Variants in OR51B5 observed in about 807,000 individuals in gnomAD.
OR51B5 encodes olfactory receptor family 51 subfamily B member 5.
For synonymous variants in OR51B5, 186 were observed against 144.8 expected, an observed-to-expected ratio of 1.28 and a Z score of -2.04; for missense variants, 456 against 374.6, an observed-to-expected ratio of 1.22 and a Z score of -1.79.
chr11:5,402,858 T>C (rs1006972131), intron 1 of OR51B5: 3 of 471,488 alleles, frequency 6.4e-6, no homozygotes, highest in African/African-American at 2.0e-5. Context: ...GTTAGGCATA[T>C]TCCTTTTTGG....
chr11:5,393,142 A>C (rs1849821806), intron 1 of OR51B5: 1 of 152,220 alleles, frequency 6.6e-6, no homozygotes, highest in East Asian at 1.9e-4. Flanking sequence ...TGTTTGTGGC[A>C]AAATTTTTTT....
chr11:5,395,529 C>A (rs903247446), intron 1 of OR51B5, among the ~76,000 whole-genome samples: 1 of 152,166 alleles, frequency 6.6e-6, no homozygotes, highest in Non-Finnish European at 1.5e-5. Flanking sequence ...GAAGACAGAT[C>A]TGGACTTGTT....
At chr11:5,359,083 C>G (rs1277536162) in intron 1 of OR51B5, among the ~76,000 whole-genome samples, 1 of 152,056 alleles carries the variant, frequency 6.6e-6, no homozygotes, top group Non-Finnish European at 1.5e-5. Context: ...AAAACTGGCA[C>G]AAGACAGGGA....
intron 1 of OR51B5, among the ~76,000 whole-genome samples, chr11:5,503,826 G>C (rs1457850709): frequency 6.6e-6 from 1 of 152,120 alleles, no homozygotes; most frequent in Non-Finnish European, 1.5e-5. Flanking sequence ...TACTTTTTGA[G>C]GGGTAAGGAT....
chr11:5,361,901 A>C (rs72874669), intron 1 of OR51B5, among the ~76,000 whole-genome samples: 7,186 of 152,184 alleles, frequency 0.047, 217 homozygotes, highest in Non-Finnish European at 0.068. Flanking sequence ...TATGTGTTCT[A>C]CCAAGTACTT....
chr11:5,400,959 C>T (rs964895740), intron 1 of OR51B5, among the ~76,000 whole-genome samples: 4 of 152,148 alleles, frequency 2.6e-5, no homozygotes, highest in East Asian at 1.9e-4. Context: ...CATGTTTGTT[C>T]GTGTGTGAAT....
intron 1 of OR51B5, chr11:5,390,009 T>C (rs1498469): frequency 0.8 from 1,291,738 of 1,612,952 alleles, 520,394 homozygotes; most frequent in Middle Eastern, 0.83. Context: ...TGCACAGATA[T>C]CACCTTCAAT....
chr11:5,482,617 G>T (rs1341315706), intron 1 of OR51B5, among the ~76,000 whole-genome samples: 1 of 117,852 alleles, frequency 8.5e-6, no homozygotes, highest in Non-Finnish European at 1.7e-5. Context: ...TCTGACAAAG[G>T]GCTAATATCC....
intron 1 of OR51B5, among the ~76,000 whole-genome samples, chr11:5,498,505 G>A (rs186368185): frequency 2.9e-4 from 44 of 152,134 alleles, no homozygotes; most frequent in Non-Finnish European, 5.4e-4. Flanking sequence ...CCTACAAATT[G>A]TCTTCTTCAA....
intron 1 of OR51B5, among the ~76,000 whole-genome samples, chr11:5,496,048 C>G (rs1303324484): frequency 1.1e-4 from 17 of 152,050 alleles, no homozygotes; most frequent in Admixed American, 1.1e-3. Flanking sequence ...TGTGATAAGT[C>G]TGGTTCCTGC....
At chr11:5,343,904 C>A (rs1848948433), upstream of OR51B5, among the ~76,000 whole-genome samples, 2 of 152,192 alleles carry the variant, frequency 1.3e-5, no homozygotes, top group Non-Finnish European at 2.9e-5. Context: ...AGAAAGCTAA[C>A]ACTAATTTTT....
At chr11:5,368,332 T>C (rs1409445947) in intron 1 of OR51B5, among the ~76,000 whole-genome samples, 2 of 152,228 alleles carry the variant, frequency 1.3e-5, no homozygotes, top group East Asian at 1.9e-4. Context: ...TTCTGTGTTT[T>C]GGTCCACTCA....
chr11:5,480,688 C>A (rs1306176299), intron 1 of OR51B5, among the ~76,000 whole-genome samples: 1 of 151,250 alleles, frequency 6.6e-6, no homozygotes, highest in African/African-American at 2.4e-5. Flanking sequence ...CACCACCGAT[C>A]CCACAGAAAT....
chr11:5,474,837 C>T (rs556558617), intron 1 of OR51B5, among the ~76,000 whole-genome samples: 1 of 152,260 alleles, frequency 6.6e-6, no homozygotes, highest in East Asian at 1.9e-4. Flanking sequence ...ATCAGGACAA[C>T]AGGCTAAACA....
At chr11:5,346,113 C>T (rs777212778), upstream of OR51B5, 6 of 152,096 alleles carry the variant, frequency 3.9e-5, no homozygotes, top group Admixed American at 6.6e-5. Context: ...GTGAAAAATT[C>T]CTTCTTATCA....
chr11:5,384,841 C>T (rs1849661654), intron 1 of OR51B5, among the ~76,000 whole-genome samples: 1 of 152,200 alleles, frequency 6.6e-6, no homozygotes, highest in Admixed American at 6.5e-5. Context: ...AAATCCTCCT[C>T]TATCCTACTA....
intron 1 of OR51B5, among the ~76,000 whole-genome samples, chr11:5,483,441 G>A (rs1354117277): frequency 6.9e-6 from 1 of 145,428 alleles, no homozygotes; most frequent in Non-Finnish European, 1.5e-5. Context: ...GCACCAGCAT[G>A]GCACATGTAT....
chr11:5,372,041 C>G lies in OR51B5; in HGVS notation n.85-25131G>C, dbSNP rs545405048. On this transcript the variant is annotated intron_variant and non_coding_transcript_variant, in intron 1 of 4. Coordinates refer to the OR51B5 transcript ENST00000415970. ...TTTATTTCACTTAGCAAAATGTACTCTAGGTTTATACATTCCCCCCATCTC... is the reference window on the plus strand; with the variant it reads ...TTTATTTCACTTAGCAAAATGTACTGTAGGTTTATACATTCCCCCCATCTC... Among the ~76,000 whole-genome samples the G allele has an allele frequency of 3.3e-5, 5 of 152,118 alleles. No homozygotes were observed. The South Asian group carries it at 6.2e-4, about 19-fold the overall frequency.
chr11:5,473,087 T>C (rs1851252830), intron 1 of OR51B5, among the ~76,000 whole-genome samples: 1 of 152,248 alleles, frequency 6.6e-6, no homozygotes. Context: ...GATATGTTCA[T>C]GTTTCAAATT....
Sources: allele counts gnomAD v4.1 joint callset (sites outside exome capture counted in the v4.1 genomes callset), GRCh38; gene constraint gnomAD v4.1.1; transcripts MANE v1.5; gene names NCBI Gene and HGNC (gene_info 2026-07-23, HGNC 2026-07-21).